RNF123: variants seen among roughly 807,000 people sequenced by gnomAD.
RNF123 encodes ring finger protein 123, also known as E3 ubiquitin-protein ligase RNF123.
In RNF123, 86 loss-of-function variants were observed where a neutral mutation model predicts 168.5. The observed-to-expected ratio is 0.51, with a 90% confidence interval of 0.43 to 0.61. The LOEUF (loss-of-function observed/expected upper bound fraction) is 0.61, where lower values mean the gene tolerates loss of function less well. RNF123 is among the 20% of genes least tolerant of loss of function. RNF123 has a pLI of 0.00. For synonymous variants in RNF123, 666 were observed against 689.1 expected, an observed-to-expected ratio of 0.97 and a Z score of 0.52; for missense variants, 1,419 against 1,729.7, an observed-to-expected ratio of 0.82 and a Z score of 3.19.
At chr3:49,697,816 G>A (rs1326629725) in intron 5 of RNF123, 69 bp from the exon 6 acceptor site, 1 of 1,588,494 alleles carries the variant, frequency 6.3e-7, no homozygotes, top group East Asian at 2.2e-5. Context: ...TTGGGGATGG[G>A]GTCTTTTTCC....
chr3:49,705,007 T>C lies in RNF123; in HGVS notation c.1983T>C (p.Val661=). Residue 661 remains valine, a synonymous_variant, in exon 23 of 39, where the codon GTT becomes GTC. Transcript: ENST00000327697. ...AGCGCCCCATGCAGGCCCTGGCTGT[T>C]GGGGGGCCACTGCCCCTGCCCCGGC... The part of the protein sequence containing the change: ...MAQRPMQALA[V]GGPLPLPRPG... The C allele has an allele frequency of 6.2e-7, 1 of 1,607,890 alleles. No homozygotes were observed. The highest frequency in any genetic ancestry group is 8.5e-7 in the Non-Finnish European group (1 of 1,178,180).
At chr3:49,707,782 C>T (rs2054546517) in intron 26 of RNF123, among the ~76,000 whole-genome samples, 1 of 152,056 alleles carries the variant, frequency 6.6e-6, no homozygotes, top group South Asian at 2.1e-4. Context: ...CCTGGATGAC[C>T]GTGCTTACTG....
At chr3:49,705,397 C>T (rs1158735322) in intron 23 of RNF123, 137 bp from the exon 24 acceptor site, 1 of 1,328,556 alleles carries the variant, frequency 7.5e-7, no homozygotes, top group Non-Finnish European at 1.0e-6. Flanking sequence ...CACCCCTACC[C>T]CCATGCCCCC....
chr3:49,698,789 T>C lies in RNF123; in HGVS notation c.605T>C (p.Ile202Thr), dbSNP rs1341359290. ...WAAGDIVSCL[I>T]DLDDGTLSFC... is the part of the protein sequence containing the mutation. Reference sequence around the variant, plus strand: ...GCGGGGGACATCGTGAGCTGCCTGATTGACCTGGATGATGGCACTCTGTCC... The same window carrying C: ...GCGGGGGACATCGTGAGCTGCCTGACTGACCTGGATGATGGCACTCTGTCC... Residue 202 changes from isoleucine (I) to threonine (T), a missense_variant, in exon 9 of 39, where the codon ATT becomes ACT. Physicochemically the swap from Ile to Thr is moderately conservative, Grantham distance 89. Around this residue, in one of 5 missense-constraint regions of RNF123, gnomAD observed 318 missense variants for 446.6 expected, o/e 0.71. Coordinates refer to ENST00000327697, the MANE Select transcript of RNF123 (RefSeq NM_022064.5). 1.2e-6 allele frequency: 2 copies of C among 1,613,880 alleles called. No homozygotes were observed. Among genetic ancestry groups the C allele is most frequent in the Non-Finnish European group, 1.7e-6 (2 of 1,180,000 alleles).
intron 31 of RNF123, among the ~76,000 whole-genome samples, chr3:49,715,084 C>T (rs2080213653): frequency 6.6e-6 from 1 of 152,250 alleles, no homozygotes; most frequent in South Asian, 2.1e-4. Context: ...CTGCTGCCTG[C>T]CAGCCCAGAC....
At chr3:49,720,420 C>A (rs1175117219) in intron 35 of RNF123, 91 bp from the exon 36 acceptor site, 4 of 1,316,008 alleles carry the variant, frequency 3.0e-6, no homozygotes, top group Admixed American at 2.6e-5. Flanking sequence ...TGATCATGTA[C>A]GAGCCATGGC....
chr3:49,721,452 C>A lies in RNF123; in HGVS notation c.*147C>A, dbSNP rs1258221197. On this transcript the variant is annotated 3_prime_UTR_variant, in exon 39 of 39. Transcript: ENST00000327697. The stretch of plus-strand genomic sequence containing the variant: ...CTGCCTGTATCCTCATTGGTGGGAG[C>A]CCAGCCATGGCCCTAATTGTGCCTG... 1.1e-5 allele frequency: 12 copies of A among 1,111,876 alleles called. No homozygotes were observed. Among genetic ancestry groups the A allele is most frequent in the Non-Finnish European group, 1.7e-5 (12 of 727,210 alleles). The allele number at this position is 1,111,876 out of a possible 1,614,324, so 68.9% of individuals were successfully genotyped here. A position where few individuals can be genotyped will look rare whatever the true frequency, so the allele number is the denominator to read the frequency against.
rs1194593713 is a variant in RNF123 at position 49,705,023 on chromosome 3, C to T, written c.1999C>T (p.Leu667=). The part of the protein sequence containing the change: ...QALAVGGPLP[L]PRPGWLSSPT... Reference sequence around the variant, plus strand: ...CCTGGCTGTTGGGGGGCCACTGCCCCTGCCCCGGCCCGGCTGGCTCAGTTC... The same window carrying T: ...CCTGGCTGTTGGGGGGCCACTGCCCTTGCCCCGGCCCGGCTGGCTCAGTTC... Residue 667 remains leucine (L), a synonymous_variant, in exon 23 of 39, where the codon CTG becomes TTG. Transcript: ENST00000327697. The T allele has an allele frequency of 6.2e-7, 1 of 1,609,500 alleles. No individual in the cohort carries two copies. Among genetic ancestry groups the T allele is most frequent in the Non-Finnish European group, 8.5e-7 (1 of 1,178,754 alleles).
At chr3:49,694,062 C>T (rs563003010) in intron 3 of RNF123, among the ~76,000 whole-genome samples, 43 of 152,224 alleles carry the variant, frequency 2.8e-4, no homozygotes, top group Non-Finnish European at 5.4e-4. Context: ...TGTCTCTTCA[C>T]TTTGTTGATC....
At chr3:49,698,577 T>G (rs1269897592) in intron 8 of RNF123, 51 bp downstream of exon 8, 1 of 1,597,836 alleles carries the variant, frequency 6.3e-7, no homozygotes, top group Admixed American at 1.7e-5. Context: ...TTACTACAGC[T>G]TATTTGGAGC....
rs748825526 is a variant in RNF123, at chr3:49,718,469, C to T, written c.3500+1992C>T. 1 of 1,612,880 alleles carries T rather than the reference C, an allele frequency of 6.2e-7. No homozygotes were observed. The highest frequency in any genetic ancestry group is 2.2e-5 in the East Asian group (1 of 44,884). ...TTGCCTATGGCCAAGCTGCCGTCGG[C>T]CAGCACCGCGATGCTGCCATCGCGG... On this transcript the variant is annotated intron_variant, in intron 35 of 38. Transcript: ENST00000327697.
Position 49,697,424 on chromosome 3 carries a change from G to A in RNF123, c.309G>A (p.Glu103=). 9 of 1,610,876 alleles carry A rather than the reference G, an allele frequency of 5.6e-6. No individual in the cohort carries two copies. The South Asian group carries it at 9.9e-5, about 18-fold the overall frequency. The change falls in exon 5 of 39, where the codon GAG becomes GAA. Residue 103 remains glutamate (E), a synonymous_variant. Coordinates refer to ENST00000327697, the MANE Select transcript of RNF123 (RefSeq NM_022064.5). The part of the protein sequence containing the change: ...TVVLDHTGGF[E]GLLLVDDDLL... ...TCCTGGACCACACAGGCGGCTTTGA[G>A]GGGCTTCTCCTGGTGGATGATGACC...
At position 49,699,173 on chromosome 3, in the gene RNF123, C is replaced by A; in HGVS notation, c.764+68C>A. The stretch of plus-strand genomic sequence containing the variant: ...TGGGGAGGCTGGGATGAGGGGCTCC[C>A]TACCCCAGGGGTGCCATGGGCTGGT... On this transcript the variant is annotated intron_variant, in intron 10 of 38. Coordinates refer to ENST00000327697, the MANE Select transcript of RNF123 (RefSeq NM_022064.5). This position sits in a 1 kb window ranked among gnomAD's most constrained non-coding sequence, Gnocchi z 4.8. The A allele has an allele frequency of 6.4e-7, 1 of 1,562,932 alleles. No homozygotes were observed. The highest frequency in any genetic ancestry group is 1.2e-5 in the South Asian group (1 of 84,022).
In RNF123 at chr3:49,704,967, G is replaced by T. The variant is rs756251711; in HGVS notation, c.1960-17G>T. ...CCCTGAGCCAGCCCTGGTCCTGGCC[G>T]CCTTTCTTCACTGCAGCGCCCCATG... is the stretch of plus-strand genomic sequence containing the variant. On this transcript the variant is annotated splice_polypyrimidine_tract_variant and intron_variant, in intron 22 of 38. Coordinates refer to ENST00000327697, the MANE Select transcript of RNF123 (RefSeq NM_022064.5). 6 of 1,588,932 alleles carry T rather than the reference G, an allele frequency of 3.8e-6. No individual in the cohort carries two copies. The highest frequency in any genetic ancestry group is 1.3e-5 in the African/African-American group (1 of 74,556).
chr3:49,699,593 G>A lies in RNF123; in HGVS notation c.879+11G>A, dbSNP rs1481548021. ...GAGCTGGACCCTGTGGTGAGCTGGG[G>A]TCTGGGCCAGGCGGGGTGGGGGGCT... On this transcript the variant is annotated intron_variant, in intron 11 of 38. Transcript: ENST00000327697. This position sits in a 1 kb window ranked among gnomAD's most constrained non-coding sequence, Gnocchi z 4.8. 2.5e-6 allele frequency: 4 copies of A among 1,613,418 alleles called. No individual in the cohort carries two copies. The South Asian group carries it at 3.3e-5, about 13-fold the overall frequency.
At chr3:49,713,125 T>C in intron 27 of RNF123, 1 of 598,480 alleles carries the variant, frequency 1.7e-6, no homozygotes, top group Non-Finnish European at 3.0e-6. Flanking sequence ...GGCGTGGCAG[T>C]GTATGTCTGG....
chr3:49,698,623 G>A, intron 8 of RNF123, 97 bp downstream of exon 8: 1 of 1,538,856 alleles, frequency 6.5e-7, no homozygotes, highest in Admixed American at 1.7e-5. Flanking sequence ...GGGCACCAGG[G>A]AAGGGTCAGG....
chr3:49,714,948 C>T (rs772925779), intron 31 of RNF123, among the ~76,000 whole-genome samples: 6 of 152,230 alleles, frequency 3.9e-5, no homozygotes, highest in South Asian at 2.1e-4. Flanking sequence ...GCGTCCAGGG[C>T]GGAACTGAGC....
chr3:49,719,724 G>C (rs1575288782), intron 35 of RNF123: 1 of 433,290 alleles, frequency 2.3e-6, no homozygotes, highest in Non-Finnish European at 4.3e-6. Flanking sequence ...CTCCCCCCAG[G>C]GGCGGGGCCC....
Sources: allele counts gnomAD v4.1 joint callset (sites outside exome capture counted in the v4.1 genomes callset), GRCh38; gene constraint gnomAD v4.1.1; regional missense constraint gnomAD v4.1.1; non-coding constraint Gnocchi (gnomAD v3.1); transcripts MANE v1.5; gene names NCBI Gene and HGNC (gene_info 2026-07-23, HGNC 2026-07-21).